Variants in GCH1 observed in about 807,000 individuals in gnomAD.
The protein encoded by GCH1 is GTP cyclohydrolase I.
A neutral mutation model predicts 25.9 loss-of-function variants in GCH1; 5 were observed. The observed-to-expected ratio is 0.19, with a 90% CI of 0.10 to 0.41. The LOEUF is 0.41. Among genes scored for constraint, GCH1 ranks in the 10% least tolerant of loss-of-function variants. The probability of loss-of-function intolerance (pLI) is 1.00; values close to 1 mark genes in which losing one functional copy is unlikely to be tolerated. For missense variants in GCH1, 261 were observed against 336.5 expected, an observed-to-expected ratio of 0.78 and a Z score of 1.75; for synonymous variants, 159 against 129.6, an observed-to-expected ratio of 1.23 and a Z score of -1.54.
intron 1 of GCH1, among the ~76,000 whole-genome samples, chr14:54,880,124 G>A (rs1426457381): frequency 6.8e-6 from 1 of 147,980 alleles, no homozygotes; most frequent in Non-Finnish European, 1.5e-5. Context: ...CTGGGCAACA[G>A]AGCAAGACTC....
At position 54,843,151 on chromosome 14, in the gene GCH1, C is replaced by A; in HGVS notation, c.*866G>T. On this transcript the variant is annotated 3_prime_UTR_variant, in exon 6 of 6. Transcript: ENST00000491895. ...AAGAAGAAGAAACATTTTGAGGCAT[C>A]TACATGGATCACACAAAGGAAACTC... is the stretch of plus-strand genomic sequence containing the variant. The A allele has an allele frequency of 6.6e-7, 1 of 1,516,838 alleles. No homozygotes were observed. Among genetic ancestry groups the A allele is most frequent in the South Asian group, 1.3e-5 (1 of 79,110 alleles). 94.0% of individuals were successfully genotyped at this position (1,516,838 alleles called of 1,614,324 possible).
intron 1 of GCH1, among the ~76,000 whole-genome samples, chr14:54,883,572 G>C (rs1262498239): frequency 3.9e-5 from 6 of 151,992 alleles, no homozygotes; most frequent in African/African-American, 9.7e-5. Flanking sequence ...CCAGCTACTC[G>C]GGAGGCTGAG....
chr14:54,874,339 A>G (rs2040126553), intron 1 of GCH1, among the ~76,000 whole-genome samples: 2 of 152,236 alleles, frequency 1.3e-5, no homozygotes, highest in South Asian at 4.1e-4. Flanking sequence ...GATGGGACAT[A>G]TCTCAAAATA....
intron 1 of GCH1, 32 bp downstream of exon 1, chr14:54,902,289 C>A: frequency 6.2e-7 from 1 of 1,606,862 alleles, no homozygotes; most frequent in South Asian, 1.1e-5. Context: ...CCCCGCCGCC[C>A]GCACGCTCTA....
intron 1 of GCH1, among the ~76,000 whole-genome samples, chr14:54,893,626 G>A (rs2040450689): frequency 1.3e-5 from 2 of 152,066 alleles, no homozygotes; most frequent in Admixed American, 6.6e-5. Context: ...TCTCAGCTCC[G>A]CCACTTTCAA....
Position 54,902,437 on chromosome 14 carries a change from G to A in GCH1, c.227C>T (p.Ser76Leu). The A allele has an allele frequency of 6.2e-7, 1 of 1,612,946 alleles. No individual in the cohort carries two copies. Among genetic ancestry groups the A allele is most frequent in the Non-Finnish European group, 8.5e-7 (1 of 1,179,802 alleles). Residue 76 changes from serine (S) to leucine (L), a missense_variant, in exon 1 of 6, where the codon TCG becomes TTG. Physicochemically the swap from Ser to Leu is moderately radical, Grantham distance 145. Coordinates refer to ENST00000491895, the MANE Select transcript of GCH1 (RefSeq NM_000161.3). ...LNLPNLAAAYSSILSSLGENP... is the reference protein window; with the variant it reads ...LNLPNLAAAYLSILSSLGENP... The stretch of plus-strand genomic sequence containing the variant: ...CTCGCCCAGCGAGCTCAGGATGGAC[G>A]AGTAGGCGGCTGCCAGGTTAGGGAG...
chr14:54,853,304 T>C (rs111925800), intron 3 of GCH1, among the ~76,000 whole-genome samples: 2 of 152,316 alleles, frequency 1.3e-5, no homozygotes, highest in African/African-American at 4.8e-5. Flanking sequence ...ATTTGATTTT[T>C]TGAAGGCCAC....
chr14:54,891,952 C>T (rs774896496), intron 1 of GCH1, among the ~76,000 whole-genome samples: 6 of 152,114 alleles, frequency 3.9e-5, no homozygotes, highest in South Asian at 4.2e-4. Context: ...GTGACGTTGG[C>T]AATTCAGTTA....
Position 54,863,409 on chromosome 14 carries a change from GA to G in GCH1, c.453+1917del, listed in dbSNP as rs1354849713. 6.4e-5 allele frequency among the ~76,000 whole-genome samples: 7 copies of G among 109,286 alleles called. No homozygotes were observed. In the East Asian group the frequency reaches 1.7e-3, roughly 27 times the overall value. 71.7% of individuals were successfully genotyped at this position (109,286 alleles called of 152,430 possible). A position where few individuals can be genotyped will look rare whatever the true frequency, so the allele number is the denominator to read the frequency against. ...TGCAATCTAGCCTGGGCGACAGAGC[GA>G]GACTCCGTCTCAAAAAAAAAAAAAA... On this transcript the variant is annotated intron_variant, in intron 2 of 5. Coordinates refer to ENST00000491895, the MANE Select transcript of GCH1 (RefSeq NM_000161.3).
chr14:54,868,196 T>C (rs766825819), intron 1 of GCH1, among the ~76,000 whole-genome samples: 3 of 152,144 alleles, frequency 2.0e-5, no homozygotes, highest in Non-Finnish European at 4.4e-5. Flanking sequence ...GGAGGATCAC[T>C]TGAGCCCAGC....
At chr14:54,865,306 A>C (rs776104047) in intron 2 of GCH1, 21 bp downstream of exon 2, 1 of 1,148,290 alleles carries the variant, frequency 8.7e-7, no homozygotes, top group African/African-American at 1.5e-5. Context: ...AATTGCTGGG[A>C]AACAACAAAG....
intron 1 of GCH1, among the ~76,000 whole-genome samples, chr14:54,867,470 C>T (rs1454258624): frequency 2.0e-5 from 3 of 151,790 alleles, no homozygotes; most frequent in Non-Finnish European, 2.9e-5. Context: ...TGCCTGTAGT[C>T]CCAGCTACTC....
intron 1 of GCH1, among the ~76,000 whole-genome samples, chr14:54,893,068 G>A (rs1341701971): frequency 6.6e-6 from 1 of 152,236 alleles, no homozygotes; most frequent in African/African-American, 2.4e-5. Flanking sequence ...GACAGAGCAA[G>A]ACTCTGCCTC....
At position 54,902,645 on chromosome 14, in the gene GCH1, G is replaced by C. The variant is rs1167936240; in HGVS notation, c.19C>G (p.Arg7Gly). ...CCCCGCGGCTTCTCCGCCGGTGCCCGCACAGGGCCCTTCTCCATGGACCCG... is the reference window on the plus strand; with the variant it reads ...CCCCGCGGCTTCTCCGCCGGTGCCCCCACAGGGCCCTTCTCCATGGACCCG... MEKGPV[R>G]APAEKPRGAR... The change falls in exon 1 of 6, where the codon CGG (arginine) becomes GGG (glycine). Residue 7 changes from arginine to glycine, a missense_variant. Arg to Gly is a moderately radical substitution (Grantham distance 125, BLOSUM62 -2). Around this residue, in one of 3 missense-constraint regions of GCH1, gnomAD observed 125 missense variants for 128.7 expected, o/e 0.97. Coordinates refer to ENST00000491895, the MANE Select transcript of GCH1 (RefSeq NM_000161.3). The C allele has an allele frequency of 6.8e-7, 1 of 1,480,170 alleles. No individual in the cohort carries two copies. The highest frequency in any genetic ancestry group is 8.9e-7 in the Non-Finnish European group (1 of 1,120,476). The allele number at this position is 1,480,170 out of a possible 1,614,324, so 91.7% of individuals were successfully genotyped here.
intron 3 of GCH1, among the ~76,000 whole-genome samples, chr14:54,852,725 C>T (rs2039750613): frequency 6.6e-6 from 1 of 152,186 alleles, no homozygotes. Context: ...CTTCAAGTTG[C>T]AGTCTCCAAG....
At chr14:54,885,556 G>T in intron 1 of GCH1, 1 of 383,550 alleles carries the variant, frequency 2.6e-6, no homozygotes, top group South Asian at 2.3e-5. Context: ...CCCCCAGCAA[G>T]GTGAGGGATG....
chr14:54,854,743 T>C (rs544485527), intron 3 of GCH1, among the ~76,000 whole-genome samples: 50 of 152,326 alleles, frequency 3.3e-4, no homozygotes, highest in African/African-American at 1.1e-3. Context: ...AGTGTCTGAA[T>C]AGATTCAACC....
At chr14:54,874,722 G>C (rs2040132908) in intron 1 of GCH1, among the ~76,000 whole-genome samples, 2 of 152,240 alleles carry the variant, frequency 1.3e-5, no homozygotes, top group South Asian at 4.1e-4. Flanking sequence ...GCCAAATCAT[G>C]AGTGAACTCC....
chr14:54,899,073 T>C (rs1255193538), intron 1 of GCH1, among the ~76,000 whole-genome samples: 2 of 152,240 alleles, frequency 1.3e-5, no homozygotes, highest in East Asian at 1.9e-4. Flanking sequence ...TTCAGCTCCA[T>C]TGTAATCTTA....
Sources: gnomAD v4.1 joint callset for allele counts (sites outside exome capture counted in the v4.1 genomes callset) on GRCh38, gnomAD v4.1.1 for gene constraint, gnomAD v4.1.1 regional missense constraint, MANE v1.5 for transcripts, NCBI Gene and HGNC (gene_info 2026-07-23, HGNC 2026-07-21) for gene names.